Variants in STK32C observed in about 807,000 individuals in gnomAD.
The protein encoded by STK32C is serine/threonine-protein kinase 32C.
In STK32C, 31 loss-of-function variants were observed where a neutral mutation model predicts 56.5. The observed-to-expected ratio is 0.55, with a 90% CI of 0.41 to 0.74. The LOEUF (loss-of-function observed/expected upper bound fraction) is 0.74. Among genes scored for constraint, STK32C ranks in the 30% least tolerant of loss-of-function variants. The pLI, the probability that STK32C is intolerant of heterozygous loss-of-function variation, is 0.00. For synonymous variants in STK32C, 309 were observed against 289.4 expected, an observed-to-expected ratio of 1.07 and a Z score of -0.69; for missense variants, 544 against 676.9, an observed-to-expected ratio of 0.80 and a Z score of 2.18.
At chr10:132,326,804 G>A (rs2066508330) in intron 1 of STK32C, among the ~76,000 whole-genome samples, 1 of 152,150 alleles carries the variant, frequency 6.6e-6, no homozygotes, top group African/African-American at 2.4e-5. Flanking sequence ...TGCTGGTCAT[G>A]GTCTGAACTA....
intron 2 of STK32C, among the ~76,000 whole-genome samples, chr10:132,241,701 C>T (rs1004635307): frequency 2.0e-5 from 3 of 152,340 alleles, no homozygotes; most frequent in Non-Finnish European, 2.9e-5. Flanking sequence ...TGCGGACTCA[C>T]TGGTCAGCGA....
intron 2 of STK32C, among the ~76,000 whole-genome samples, chr10:132,235,171 C>A (rs2063235126): frequency 6.6e-6 from 1 of 151,924 alleles, no homozygotes; most frequent in African/African-American, 2.4e-5. Context: ...GGTGTGCCAC[C>A]CTTGATGGCA....
At chr10:132,324,071 AC>A in exon 2 of STK32C, 2 of 610,586 alleles carry the variant, frequency 3.3e-6, no homozygotes, top group Non-Finnish European at 2.9e-6. Flanking sequence ...CTCCCAACAC[AC>A]CCACACCTGG....
chr10:132,256,076 G>A (rs2064111311), intron 1 of STK32C, among the ~76,000 whole-genome samples: 1 of 152,228 alleles, frequency 6.6e-6, no homozygotes, highest in Non-Finnish European at 1.5e-5. Context: ...GCCAACTGGG[G>A]TCTTACTCTG....
At chr10:132,282,872 C>T (rs1191684508) in intron 1 of STK32C, among the ~76,000 whole-genome samples, 1 of 152,272 alleles carries the variant, frequency 6.6e-6, no homozygotes, top group East Asian at 1.9e-4. Context: ...AAACACAGCA[C>T]AGGCTACAGC....
chr10:132,330,513 G>C, intron 1 of STK32C: 1 of 716,670 alleles, frequency 1.4e-6, no homozygotes, highest in Non-Finnish European at 2.6e-6. Context: ...GGGTATGTAC[G>C]AAAACTTTTT....
At chr10:132,237,208 G>A (rs2063326175) in intron 2 of STK32C, among the ~76,000 whole-genome samples, 1 of 123,704 alleles carries the variant, frequency 8.1e-6, no homozygotes, top group African/African-American at 2.6e-5. Flanking sequence ...TCCCTGGACT[G>A]TGCTCCCTGG....
In STK32C at chr10:132,331,782, G is replaced by C; in HGVS notation, c.-46C>G. The C allele has an allele frequency of 3.7e-6, 6 of 1,607,842 alleles. No homozygotes were observed. The South Asian group carries it at 5.5e-5, about 15-fold the overall frequency. On this transcript the variant is annotated 5_prime_UTR_variant, in exon 1 of 2. Transcript: ENST00000368619. ...CTGTGCCAGGCCGGTCGCCCCTCCA[G>C]ACCCTCGCGGTCTCTACTTGCCCGT... is the stretch of plus-strand genomic sequence containing the variant.
At chr10:132,268,539 TTG>T (rs56672946) in intron 1 of STK32C, among the ~76,000 whole-genome samples, 13,862 of 110,974 alleles carry the variant, frequency 0.12, 850 homozygotes, top group Middle Eastern at 0.16. Context: ...ATGCGTCACA[TTG>T]TGTGTGTGTG....
At chr10:132,244,660 A>T (rs2063622516) in intron 2 of STK32C, among the ~76,000 whole-genome samples, 1 of 152,172 alleles carries the variant, frequency 6.6e-6, no homozygotes, top group South Asian at 2.1e-4. Flanking sequence ...GGTGACTCCC[A>T]GGGTCCCCCT....
At chr10:132,209,439 C>T in intron 10 of STK32C, 1 of 507,952 alleles carries the variant, frequency 2.0e-6, no homozygotes, top group South Asian at 1.7e-5. Flanking sequence ...TTTCCCGTCT[C>T]ATACCGGGTT....
intron 2 of STK32C, among the ~76,000 whole-genome samples, chr10:132,230,083 C>T (rs2063037077): frequency 6.9e-6 from 1 of 144,688 alleles, no homozygotes; most frequent in African/African-American, 2.5e-5. Flanking sequence ...TGCTGAGGAG[C>T]GGGGGCAGCT....
chr10:132,242,638 G>A (rs1299613344), intron 2 of STK32C, among the ~76,000 whole-genome samples: 6 of 152,122 alleles, frequency 3.9e-5, no homozygotes, highest in African/African-American at 1.4e-4. Flanking sequence ...CCCAAAAGCT[G>A]TGTGCCCCCC....
chr10:132,257,250 A>C (rs2064154725), intron 1 of STK32C, among the ~76,000 whole-genome samples: 1 of 152,118 alleles, frequency 6.6e-6, no homozygotes, highest in African/African-American at 2.4e-5. Flanking sequence ...GGGTGGGTCA[A>C]GGCTGGAAAA....
chr10:132,249,230 G>T, intron 1 of STK32C: 1 of 361,590 alleles, frequency 2.8e-6, no homozygotes, highest in Non-Finnish European at 5.5e-6. Flanking sequence ...GCTGGGAGTG[G>T]GGCTGAGGGT....
chr10:132,222,567 A>G, intron 10 of STK32C, 74 bp downstream of exon 10: 1 of 1,566,274 alleles, frequency 6.4e-7, no homozygotes, highest in South Asian at 1.2e-5. Context: ...GGGTCCCCAC[A>G]CGCCTTGCTC....
chr10:132,236,956 G>A (rs1041580029), intron 2 of STK32C, among the ~76,000 whole-genome samples: 1 of 152,168 alleles, frequency 6.6e-6, no homozygotes, highest in African/African-American at 2.4e-5. Context: ...AGGTCTGTAA[G>A]TACTAGAAGA....
chr10:132,249,215 G>T (rs1590261080), intron 1 of STK32C: 1 of 363,696 alleles, frequency 2.7e-6, no homozygotes, highest in East Asian at 7.5e-5. Flanking sequence ...TGGGGTTGCG[G>T]GAGTGCTGGG....
At chr10:132,269,615 G>C (rs555599527) in intron 1 of STK32C, among the ~76,000 whole-genome samples, 2 of 152,260 alleles carry the variant, frequency 1.3e-5, no homozygotes, top group African/African-American at 4.8e-5. Flanking sequence ...CTAACAGCTA[G>C]TGGATGGTCT....
Sources: gnomAD v4.1 joint callset for allele counts (sites outside exome capture counted in the v4.1 genomes callset) on GRCh38, gnomAD v4.1.1 for gene constraint, MANE v1.5 for transcripts, NCBI Gene and HGNC (gene_info 2026-07-23, HGNC 2026-07-21) for gene names.